The following AGMO variants were observed in gnomAD, a reference collection of about 807,000 sequenced individuals.
The protein encoded by AGMO is glyceryl-ether monooxygenase.
Under a neutral mutation model 60.2 loss-of-function variants are expected in AGMO, and 75 were observed. That is an observed-to-expected ratio of 1.25 (90% CI 1.03 to 1.51). The LOEUF (loss-of-function observed/expected upper bound fraction) is 1.51. AGMO is among the 40% of genes most tolerant of loss of function. The pLI, the probability that AGMO is intolerant of heterozygous loss-of-function variation, is 0.00. For synonymous variants in AGMO, 261 were observed against 177.1 expected, an observed-to-expected ratio of 1.47 and a Z score of -3.76; for missense variants, 763 against 525.5, an observed-to-expected ratio of 1.45 and a Z score of -4.42.
chr7:15,493,362 C>CACACACCCAT (rs71004386), intron 3 of AGMO, among the ~76,000 whole-genome samples: 1 of 102,264 alleles, frequency 9.8e-6, no homozygotes, highest in African/African-American at 4.0e-5. Context: ...CACACACACA[C>CACACACCCAT]TTCTTTTTTT....
At chr7:15,300,330 T>C in intron 12 of AGMO, among the ~76,000 whole-genome samples, 1 of 152,044 alleles carries the variant, frequency 6.6e-6, no homozygotes. Context: ...AAACATAGAG[T>C]CCAGATTGAT....
At chr7:15,362,728 C>G (rs1782813661) in intron 12 of AGMO, among the ~76,000 whole-genome samples, 1 of 152,122 alleles carries the variant, frequency 6.6e-6, no homozygotes, top group Non-Finnish European at 1.5e-5. Flanking sequence ...GATCATAAAC[C>G]AAAGATAATC....
At chr7:15,295,622 G>C (rs191788764) in intron 12 of AGMO, among the ~76,000 whole-genome samples, 1 of 151,952 alleles carries the variant, frequency 6.6e-6, no homozygotes, top group Non-Finnish European at 1.5e-5. Context: ...ATAATATATA[G>C]ATGTTTTGAA....
intron 12 of AGMO, among the ~76,000 whole-genome samples, chr7:15,272,962 T>C (rs927739087): frequency 6.6e-6 from 1 of 152,210 alleles, no homozygotes; most frequent in African/African-American, 2.4e-5. Flanking sequence ...TCATATCCTT[T>C]GCCCACTTTT....
At chr7:15,135,126 C>G in the AGMO span, among the ~76,000 whole-genome samples, 108 of 149,948 alleles carry the variant, frequency 7.2e-4, no homozygotes, top group African/African-American at 2.4e-3. Flanking sequence ...AAGTGGAGAA[C>G]AATAACATAG....
chr7:15,560,120 G>C lies in AGMO; in HGVS notation c.257+21C>G, dbSNP rs111699735. The C allele has an allele frequency of 2.3e-4, 369 of 1,590,472 alleles. 3 individuals are homozygous for C. In the African/African-American group the frequency reaches 4.2e-3, roughly 18 times the overall value. On this transcript the variant is annotated intron_variant, in intron 2 of 12. Transcript: ENST00000342526. ...GGCAATTTCAGTTTTTATGCTCAGC[G>C]TTGTTGACCATCTAACTCACCTTGG... is the stretch of plus-strand genomic sequence containing the variant.
chr7:15,512,398 G>A (rs528140034), intron 3 of AGMO, among the ~76,000 whole-genome samples: 6 of 152,228 alleles, frequency 3.9e-5, no homozygotes, highest in East Asian at 1.9e-4. Context: ...GACCACAGGC[G>A]AATACCACCA....
At position 15,255,083 on chromosome 7, in the gene AGMO, T is replaced by C. The variant is rs368581511; in HGVS notation, c.1264-53724A>G. Among the ~76,000 whole-genome samples the C allele has an allele frequency of 7.9e-5, 12 of 152,182 alleles. No homozygotes were observed. The East Asian group carries it at 2.3e-3, about 29-fold the overall frequency. ...GGGACATGGATGAAGCTGGAAACCA[T>C]CATTCTCAGCAAACTATCACAAGAA... On this transcript the variant is annotated intron_variant, in intron 12 of 12. Coordinates refer to ENST00000342526, the MANE Select transcript of AGMO (RefSeq NM_001004320.2).
At chr7:15,518,690 G>A (rs1783891980) in intron 3 of AGMO, among the ~76,000 whole-genome samples, 2 of 152,016 alleles carry the variant, frequency 1.3e-5, no homozygotes, top group South Asian at 4.1e-4. Context: ...GAAGACCAAA[G>A]GTAGACAAAT....
At chr7:15,219,385 T>C (rs1400905767) in intron 12 of AGMO, among the ~76,000 whole-genome samples, 5 of 152,050 alleles carry the variant, frequency 3.3e-5, no homozygotes, top group African/African-American at 1.2e-4. Flanking sequence ...TTACATTAAC[T>C]AATATTTAAA....
At chr7:15,232,849 T>C (rs1032823102) in intron 12 of AGMO, among the ~76,000 whole-genome samples, 1 of 146,902 alleles carries the variant, frequency 6.8e-6, no homozygotes, top group Non-Finnish European at 1.5e-5. Context: ...AAAAACTCCA[T>C]CTGGTTTAAG....
intron 8 of AGMO, among the ~76,000 whole-genome samples, chr7:15,387,919 T>TC (rs1554265135): frequency 1.4e-5 from 2 of 146,500 alleles, no homozygotes; most frequent in Admixed American, 6.7e-5. Flanking sequence ...TTTTTTTTTT[T>TC]TTCCCCAAGA....
the AGMO span, among the ~76,000 whole-genome samples, chr7:15,127,473 A>G: frequency 6.6e-6 from 1 of 152,192 alleles, no homozygotes; most frequent in South Asian, 2.1e-4. Flanking sequence ...GTTCTCCAAG[A>G]TCTTTTGACA....
intron 4 of AGMO, among the ~76,000 whole-genome samples, chr7:15,422,915 C>A (rs118171845): frequency 6.6e-6 from 1 of 152,100 alleles, no homozygotes; most frequent in Admixed American, 6.5e-5. Flanking sequence ...GTCATGGAAA[C>A]TAGGCTTCTT....
intron 5 of AGMO, among the ~76,000 whole-genome samples, chr7:15,396,751 T>TTTACGGAGAGCTGATTGGTCCATC (rs1784406601): frequency 6.6e-6 from 1 of 150,732 alleles, no homozygotes. Context: ...ATTGGTCCAT[T>TTTACGGAGAGCTGATTGGTCCATC]TTACGGAGAG....
At chr7:15,241,557 T>C (rs1487265019) in intron 12 of AGMO, among the ~76,000 whole-genome samples, 4 of 151,794 alleles carry the variant, frequency 2.6e-5, no homozygotes, top group Non-Finnish European at 5.9e-5. Flanking sequence ...AAGGTTCCGT[T>C]CTTTTGACTT....
At chr7:15,454,357 C>CCA (rs71004380) in intron 3 of AGMO, among the ~76,000 whole-genome samples, 84,157 of 149,002 alleles carry the variant, frequency 0.56, 23,760 homozygotes, top group Non-Finnish European at 0.6. Flanking sequence ...AGTGTTCTCA[C>CCA]CACACACACA....
chr7:15,557,862 C>G (rs1433881904), intron 2 of AGMO, among the ~76,000 whole-genome samples: 3 of 151,872 alleles, frequency 2.0e-5, no homozygotes, highest in Non-Finnish European at 2.9e-5. Flanking sequence ...AGTTCATAAC[C>G]TTTTACCTTT....
At position 15,352,131 on chromosome 7, in the gene AGMO, G is replaced by A. The variant is rs563175177; in HGVS notation, c.1263+13383C>T. Among the ~76,000 whole-genome samples, 3 of 152,280 alleles carry A rather than the reference G, an allele frequency of 2.0e-5. No individual in the cohort carries two copies. The South Asian group carries it at 6.2e-4, about 32-fold the overall frequency. On this transcript the variant is annotated intron_variant, in intron 12 of 12. Transcript: ENST00000342526. ...TATAGCAAGAAGACCTCTATTTCCA[G>A]TATTTAGAACCATTTCACGGACTGT...
Sources: allele counts gnomAD v4.1 joint callset (sites outside exome capture counted in the v4.1 genomes callset), GRCh38; gene constraint gnomAD v4.1.1; transcripts MANE v1.5; gene names NCBI Gene and HGNC (gene_info 2026-07-23, HGNC 2026-07-21).